The following F2RL2 variants were observed in gnomAD, a reference collection of about 807,000 sequenced individuals.
F2RL2 encodes the protein coagulation factor II thrombin receptor like 2.
Under a neutral mutation model 4.3 loss-of-function variants are expected in F2RL2, and 4 were observed. The ratio of observed to expected loss-of-function variants is 0.93; its 90% CI spans 0.46 to 2.12. The LOEUF (loss-of-function observed/expected upper bound fraction) is 2.12. F2RL2 is among the 30% of genes most tolerant of loss of function. The pLI, the probability that F2RL2 is intolerant of heterozygous loss-of-function variation, is 0.02. For missense variants in F2RL2, 408 were observed against 449.3 expected (o/e 0.91, Z 0.83); for synonymous variants, 166 against 170.9 (o/e 0.97, Z 0.22).
rs1161839492 is a variant in F2RL2, at chr5:76,618,347, GA to G, written c.359del (p.Phe120SerfsTer31). On this transcript the variant is annotated frameshift_variant, in exon 2 of 2. Transcript: ENST00000296641. LOFTEE classifies it low-confidence loss of function (END_TRUNC). ...PANAVTLWML[F>X]FRTRSICTTV... ...TGGTACAGATGGATCTGGTCCTGAAGAAAAGCATCCACAGGGTCACAGCATT... is the reference window on the plus strand; with the variant it reads ...TGGTACAGATGGATCTGGTCCTGAAGAAAGCATCCACAGGGTCACAGCATT... 12 of 1,614,092 alleles carry G rather than the reference GA, an allele frequency of 7.4e-6. No individual in the cohort carries two copies. The highest frequency in any genetic ancestry group is 8.5e-6 in the Non-Finnish European group (10 of 1,180,046).
At position 76,623,259 on chromosome 5, in the gene F2RL2, CGTTATGAAATCT is replaced by C; in HGVS notation, c.-41_-30del. The C allele has an allele frequency of 6.2e-7, 1 of 1,612,782 alleles. No individual in the cohort carries two copies. Among genetic ancestry groups the C allele is most frequent in the African/African-American group, 1.3e-5 (1 of 75,006 alleles). On this transcript the variant is annotated 5_prime_UTR_variant, in exon 1 of 2. An upstream open reading frame in the 5' UTR loses its in-frame stop. Coordinates refer to ENST00000296641, the MANE Select transcript of F2RL2 (RefSeq NM_004101.4). ...GATGACCTGAGTCCCGTCTCTTAAA[CGTTATGAAATCT>C]GTAAAATCATGGAGCACAATTTCAC...
chr5:76,621,479 C>T (rs1378934494), intron 1 of F2RL2, among the ~76,000 whole-genome samples: 1 of 152,214 alleles, frequency 6.6e-6, no homozygotes, highest in Non-Finnish European at 1.5e-5. Context: ...CATCTGACAT[C>T]ACCCAAAGAG....
intron 1 of F2RL2, among the ~76,000 whole-genome samples, chr5:76,622,124 C>A (rs1749749830): frequency 6.6e-6 from 1 of 152,240 alleles, no homozygotes; most frequent in Non-Finnish European, 1.5e-5. Context: ...TCTCCCCCAC[C>A]CCATGGAAGA....
chr5:76,621,444 C>A (rs1355789633), intron 1 of F2RL2, among the ~76,000 whole-genome samples: 3 of 152,240 alleles, frequency 2.0e-5, no homozygotes, highest in Non-Finnish European at 4.4e-5. Context: ...CTTCTGCTCA[C>A]TTTTGCATTT....
In F2RL2 at chr5:76,616,099, A is replaced by G. The variant is rs1748937805; in HGVS notation, c.*1483T>C. 1.3e-5 allele frequency: 2 copies of G among 152,664 alleles called. No individual in the cohort carries two copies. Among genetic ancestry groups the G allele is most frequent in the African/African-American group, 4.8e-5 (2 of 41,458 alleles). The allele number at this position is 152,664 out of a possible 1,614,324, so 9.5% of individuals were successfully genotyped here. ...AAGGCAGAGGATGAGCACCTTCTCC[A>G]TTATACTTGGTACTTGATTGTTCAT... On this transcript the variant is annotated 3_prime_UTR_variant, in exon 2 of 2. Coordinates refer to ENST00000296641, the MANE Select transcript of F2RL2 (RefSeq NM_004101.4).
Position 76,617,940 on chromosome 5 carries a change from G to A in F2RL2, c.767C>T (p.Ser256Phe). 1 of 1,614,152 alleles carries A rather than the reference G, an allele frequency of 6.2e-7. No homozygotes were observed. Among genetic ancestry groups the A allele is most frequent in the Non-Finnish European group, 8.5e-7 (1 of 1,180,012 alleles). Residue 256 changes from serine to phenylalanine, a missense_variant, in exon 2 of 2, where the codon TCT becomes TTT. Ser to Phe is a radical substitution (Grantham distance 155, BLOSUM62 -2). Transcript: ENST00000296641. ...HDVHNTCESS[S>F]PFQLYYFISL... ...GATGAAGTAATAGAGTTGGAAGGGA[G>A]ATGAGGACTCGCAAGTGTTGTGAAC... is the stretch of plus-strand genomic sequence containing the variant.
In F2RL2 at chr5:76,618,193, T is replaced by A. The variant is rs747627420; in HGVS notation, c.514A>T (p.Ile172Phe). Reference protein sequence around the residue: ...GEVLCRATTVIFYGNMYCSIL... With the variant: ...GEVLCRATTVFFYGNMYCSIL... ...GAGCAGTACATGTTGCCATAGAAGA[T>A]GACTGTGGTGGCCCGGCACAGGACC... The change falls in exon 2 of 2, where the codon ATC becomes TTC. Residue 172 changes from isoleucine (I) to phenylalanine (F), a missense_variant. Transcript: ENST00000296641. The A allele has an allele frequency of 6.2e-7, 1 of 1,614,156 alleles. No homozygotes were observed. The highest frequency in any genetic ancestry group is 1.7e-5 in the Admixed American group (1 of 60,022).
intron 1 of F2RL2, 54 bp downstream of exon 1, chr5:76,623,113 T>G: frequency 6.4e-7 from 1 of 1,563,170 alleles, no homozygotes; most frequent in Non-Finnish European, 8.8e-7. Flanking sequence ...AGTTGACTCT[T>G]AATTTGTAAC....
rs148499696 is a variant in F2RL2, at chr5:76,618,208, G to A, written c.499C>T (p.Arg167Trp). Residue 167 changes from arginine to tryptophan, a missense_variant, in exon 2 of 2, where the codon CGG becomes TGG. Arg to Trp is a moderately radical substitution (Grantham distance 101, BLOSUM62 -3). Transcript: ENST00000296641. Reference sequence around the variant, plus strand: ...CCATAGAAGATGACTGTGGTGGCCCGGCACAGGACCTCTCCAAATACCCAG... The same window carrying A: ...CCATAGAAGATGACTGTGGTGGCCCAGCACAGGACCTCTCCAAATACCCAG... The part of the protein sequence containing the change: ...NNWVFGEVLC[R>W]ATTVIFYGNM... The A allele has an allele frequency of 2.9e-5, 47 of 1,614,036 alleles. No homozygotes were observed. The highest frequency in any genetic ancestry group is 6.6e-5 in the South Asian group (6 of 91,086).
chr5:76,623,203 C>T lies in F2RL2; in HGVS notation c.28G>A (p.Gly10Ser). The T allele has an allele frequency of 1.2e-6, 2 of 1,614,168 alleles. No homozygotes were observed. Among genetic ancestry groups the T allele is most frequent in the Non-Finnish European group, 1.7e-6 (2 of 1,180,032 alleles). The change falls in exon 1 of 2, where the codon GGC becomes AGC. Residue 10 changes from glycine (G) to serine (S), a missense_variant. Physicochemically the swap from Gly to Ser is moderately conservative, Grantham distance 56. Coordinates refer to ENST00000296641, the MANE Select transcript of F2RL2 (RefSeq NM_004101.4). ...AAAGTGGGCAACAGAAGCAGGAGGCCAGCAGCTGCAAAGATGAGGGCTTTC... is the reference window on the plus strand; with the variant it reads ...AAAGTGGGCAACAGAAGCAGGAGGCTAGCAGCTGCAAAGATGAGGGCTTTC... MKALIFAAAGLLLLLPTFCQ... is the reference protein window; with the variant it reads MKALIFAAASLLLLLPTFCQ...
Position 76,617,755 on chromosome 5 carries a change from T to C in F2RL2, c.952A>G (p.Asn318Asp). The change falls in exon 2 of 2, where the codon AAT (asparagine) becomes GAT (aspartate). Residue 318 changes from asparagine to aspartate, a missense_variant. Physicochemically the swap from Asn to Asp is conservative, Grantham distance 23. Transcript: ENST00000296641. ...GCATGGTGAATAATAAGAATAATATTGCTTGGAGCAAAGCAAATGGTAAAA... is the reference window on the plus strand; with the variant it reads ...GCATGGTGAATAATAAGAATAATATCGCTTGGAGCAAAGCAAATGGTAAAA... Reference protein sequence around the residue: ...VIFTICFAPSNIILIIHHANY... With the variant: ...VIFTICFAPSDIILIIHHANY... The C allele has an allele frequency of 6.2e-7, 1 of 1,613,858 alleles. No individual in the cohort carries two copies.
At chr5:76,622,801 T>C (rs1749833265) in intron 1 of F2RL2, among the ~76,000 whole-genome samples, 1 of 152,180 alleles carries the variant, frequency 6.6e-6, no homozygotes. Flanking sequence ...ACCAAGAGGT[T>C]TAAACACAGG....
intron 1 of F2RL2, among the ~76,000 whole-genome samples, chr5:76,620,406 A>G (rs1749529634): frequency 6.6e-6 from 1 of 152,126 alleles, no homozygotes; most frequent in Admixed American, 6.5e-5. Flanking sequence ...AGAGGCAGGA[A>G]GCAATAATGA....
At chr5:76,619,711 G>A (rs1266992280) in intron 1 of F2RL2, among the ~76,000 whole-genome samples, 1 of 151,852 alleles carries the variant, frequency 6.6e-6, no homozygotes, top group Non-Finnish European at 1.5e-5. Flanking sequence ...GTAGAGACAG[G>A]GTTTCACCAT....
intron 1 of F2RL2, 72 bp downstream of exon 1, chr5:76,623,095 C>G: frequency 7.0e-7 from 1 of 1,420,984 alleles, no homozygotes; most frequent in Non-Finnish European, 9.9e-7. Flanking sequence ...GCAAAGAAAC[C>G]TAGGTTCAGT....
chr5:76,617,502 G>C lies in F2RL2; in HGVS notation c.*80C>G. ...TATTTCTTAGGAGCTCGGAAATGGAGCTCCTTGCACTATGCTTATGTTGTT... is the reference window on the plus strand; with the variant it reads ...TATTTCTTAGGAGCTCGGAAATGGACCTCCTTGCACTATGCTTATGTTGTT... On this transcript the variant is annotated 3_prime_UTR_variant, in exon 2 of 2. Transcript: ENST00000296641. 1.9e-6 allele frequency: 2 copies of C among 1,035,708 alleles called. No homozygotes were observed. Among genetic ancestry groups the C allele is most frequent in the South Asian group, 3.2e-5 (2 of 62,338 alleles). 64.2% of individuals were successfully genotyped at this position (1,035,708 alleles called of 1,614,324 possible). A position where few individuals can be genotyped will look rare whatever the true frequency, so the allele number is the denominator to read the frequency against.
At chr5:76,621,121 A>AAG (rs1245567023) in intron 1 of F2RL2, among the ~76,000 whole-genome samples, 4 of 152,274 alleles carry the variant, frequency 2.6e-5, no homozygotes, top group South Asian at 2.1e-4. Context: ...AAATTCCTCC[A>AAG]TATTGAATAC....
Position 76,618,291 on chromosome 5 carries a change from T to A in F2RL2, c.416A>T (p.Asp139Val), listed in dbSNP as rs201941975. The A allele has an allele frequency of 6.2e-7, 1 of 1,614,026 alleles. No individual in the cohort carries two copies. The highest frequency in any genetic ancestry group is 1.3e-5 in the African/African-American group (1 of 74,964). Residue 139 changes from aspartate to valine, a missense_variant, in exon 2 of 2, where the codon GAT (aspartate) becomes GTT (valine). Transcript: ENST00000296641. ...TVFYTNLAIA[D>V]FLFCVTLPFK... ...GGGCAATGTAACACAAAAAAGAAAATCTGCAATGGCCAGGTTGGTGTAGAA... is the reference window on the plus strand; with the variant it reads ...GGGCAATGTAACACAAAAAAGAAAAACTGCAATGGCCAGGTTGGTGTAGAA...
At chr5:76,620,861 T>C (rs1749588614) in intron 1 of F2RL2, among the ~76,000 whole-genome samples, 1 of 152,234 alleles carries the variant, frequency 6.6e-6, no homozygotes. Context: ...ATGCTATCAA[T>C]ATTTGGTGTT....
Sources: gnomAD v4.1 joint callset for allele counts (sites outside exome capture counted in the v4.1 genomes callset) on GRCh38, gnomAD v4.1.1 for gene constraint, MANE v1.5 for transcripts, NCBI Gene and HGNC (gene_info 2026-07-23, HGNC 2026-07-21) for gene names.